The following FER1L6 variants were observed in gnomAD, a reference collection of about 807,000 sequenced individuals.
The protein encoded by FER1L6 is fer-1 like family member 6.
FER1L6 carries 177 observed loss-of-function variants against 219.2 expected under a neutral mutation model. The observed-to-expected ratio is 0.81, with a 90% CI of 0.71 to 0.91. The LOEUF (loss-of-function observed/expected upper bound fraction) is 0.91, where lower values mean the gene tolerates loss of function less well. FER1L6 is among the 40% of genes least tolerant of loss of function. The pLI, the probability that FER1L6 is intolerant of heterozygous loss-of-function variation, is 0.00. For synonymous variants in FER1L6, 768 were observed against 824.3 expected (o/e 0.93, Z 1.17); for missense variants, 2,153 against 2,259.9 (o/e 0.95, Z 0.96).
chr8:123,982,727 C>A (rs1267569771), intron 11 of FER1L6, among the ~76,000 whole-genome samples: 1 of 152,200 alleles, frequency 6.6e-6, no homozygotes, highest in Non-Finnish European at 1.5e-5. Flanking sequence ...AAGGCGAGGG[C>A]AGGGGCTGTC....
At chr8:124,090,817 T>C (rs1821998000) in intron 33 of FER1L6, among the ~76,000 whole-genome samples, 1 of 152,124 alleles carries the variant, frequency 6.6e-6, no homozygotes, top group Admixed American at 6.6e-5. Flanking sequence ...ATCTGTGACA[T>C]GGATATATAC....
intron 6 of FER1L6, 51 bp downstream of exon 6, chr8:123,970,148 G>A: frequency 6.5e-7 from 1 of 1,527,590 alleles, no homozygotes; most frequent in South Asian, 1.1e-5. Context: ...AGACATTTTG[G>A]GCATTGGGGA....
chr8:124,077,016 T>TA (rs1161428777), intron 32 of FER1L6, among the ~76,000 whole-genome samples: 3 of 152,204 alleles, frequency 2.0e-5, no homozygotes. Flanking sequence ...GATCCTCCAA[T>TA]ATGATGTGCT....
In FER1L6 at chr8:123,852,468, ATGCG is replaced by A. The variant is rs1563661506; in HGVS notation, c.-8+286_-8+289del. ...GTTGCTTGAACTCCATGTTGTGAGC[ATGCG>A]TGTGTGTGTGTGTGTGTGTGTGTGT... On this transcript the variant is annotated intron_variant, in intron 1 of 40. Transcript: ENST00000522917. The surrounding 1 kb of genome is among the most constrained non-coding windows in gnomAD (Gnocchi z 4.9). 2.0e-5 allele frequency among the ~76,000 whole-genome samples: 2 copies of A among 100,520 alleles called. No homozygotes were observed. The highest frequency in any genetic ancestry group is 4.0e-5 in the Non-Finnish European group (2 of 49,736). 65.9% of individuals were successfully genotyped at this position (100,520 alleles called of 152,430 possible). A position where few individuals can be genotyped will look rare whatever the true frequency, so the allele number is the denominator to read the frequency against.
At chr8:124,075,202 AAAC>A (rs1336464022) in intron 31 of FER1L6, among the ~76,000 whole-genome samples, 1 of 152,370 alleles carries the variant, frequency 6.6e-6, no homozygotes, top group African/African-American at 2.4e-5. Context: ...ACGCTGGTCA[AAAC>A]AACATTTAGC....
intron 1 of FER1L6, among the ~76,000 whole-genome samples, chr8:123,875,579 G>T (rs1013520357): frequency 6.6e-6 from 1 of 151,936 alleles, no homozygotes; most frequent in African/African-American, 2.4e-5. Context: ...TGGGCCTCTC[G>T]CCTGAATTCC....
rs1816549674 is a variant in FER1L6, at chr8:123,853,205, AG to A, written c.-8+1021del. ...AGTCTCACTCTATAGCCCAGGCTGG[AG>A]TGCAGTGGTACAATCTTGGCTCACT... On this transcript the variant is annotated intron_variant, in intron 1 of 40. Transcript: ENST00000522917. The surrounding 1 kb of genome is among the most constrained non-coding windows in gnomAD (Gnocchi z 6.6). 6.6e-6 allele frequency among the ~76,000 whole-genome samples: 1 copy of A among 152,150 alleles called. No homozygotes were observed. The highest frequency in any genetic ancestry group is 2.1e-4 in the South Asian group (1 of 4,824).
At chr8:123,976,297 T>A (rs986649913) in intron 9 of FER1L6, among the ~76,000 whole-genome samples, 2 of 152,034 alleles carry the variant, frequency 1.3e-5, no homozygotes, top group African/African-American at 2.4e-5. Context: ...GGCCAGGAGC[T>A]CAAGACCAGC....
chr8:123,953,106 G>A (rs1255841530), intron 1 of FER1L6, among the ~76,000 whole-genome samples: 2 of 152,156 alleles, frequency 1.3e-5, no homozygotes, highest in Non-Finnish European at 2.9e-5. Flanking sequence ...GGGCTGGTGA[G>A]CCATGCCTCC....
At chr8:124,087,771 G>A (rs1478696937) in intron 33 of FER1L6, among the ~76,000 whole-genome samples, 1 of 152,028 alleles carries the variant, frequency 6.6e-6, no homozygotes, top group Non-Finnish European at 1.5e-5. Flanking sequence ...CTAAATATTT[G>A]GTCACTGCAG....
At chr8:124,070,391 G>A in intron 29 of FER1L6, 76 bp from the exon 30 acceptor site, 9 of 1,543,842 alleles carry the variant, frequency 5.8e-6, no homozygotes, top group Non-Finnish European at 7.9e-6. Context: ...TGGTTTTGGA[G>A]AATCTTGGCA....
intron 22 of FER1L6, among the ~76,000 whole-genome samples, chr8:124,055,602 C>A (rs973726512): frequency 2.6e-5 from 4 of 151,988 alleles, no homozygotes; most frequent in Admixed American, 6.6e-5. Flanking sequence ...TTTTCAGAAC[C>A]CTCTCTCTCC....
At chr8:124,110,077 T>G (rs1485071905) in intron 39 of FER1L6, among the ~76,000 whole-genome samples, 1 of 152,118 alleles carries the variant, frequency 6.6e-6, no homozygotes, top group African/African-American at 2.4e-5. Flanking sequence ...CTGCTTCCAG[T>G]TTCCCCACAC....
rs925539073 is a variant in FER1L6, at chr8:124,023,490, A to G, written c.2180A>G (p.Asn727Ser). The G allele has an allele frequency of 1.9e-6, 3 of 1,614,094 alleles. No homozygotes were observed. The African/African-American group carries it at 4.0e-5, about 22-fold the overall frequency. The change falls in exon 18 of 41, where the codon AAC (asparagine) becomes AGC (serine). Residue 727 changes from asparagine to serine, a missense_variant. By Grantham distance (46) the Asn-to-Ser change is conservative. Transcript: ENST00000522917. ...PDVFIWMLSN[N>S]RRVAYARIAS... ...GTTTTCATCTGGATGCTCAGCAACA[A>G]CAGGAGAGTGGCCTATGCCCGCATC... is the stretch of plus-strand genomic sequence containing the variant.
intron 1 of FER1L6, among the ~76,000 whole-genome samples, chr8:123,899,140 C>G (rs1165981363): frequency 6.6e-6 from 1 of 152,018 alleles, no homozygotes; most frequent in African/African-American, 2.4e-5. Flanking sequence ...GAAGTGTTCC[C>G]TGATTACCAC....
intron 2 of FER1L6, among the ~76,000 whole-genome samples, chr8:123,962,532 AGTT>A (rs547055323): frequency 7.5e-4 from 114 of 152,280 alleles, no homozygotes; most frequent in South Asian, 1.9e-3. Context: ...AATGCTGGTC[AGTT>A]GTTGTGTCTA....
At chr8:123,995,030 A>G (rs1316046832) in intron 12 of FER1L6, among the ~76,000 whole-genome samples, 1 of 152,226 alleles carries the variant, frequency 6.6e-6, no homozygotes, top group African/African-American at 2.4e-5. Context: ...TCTCCTTCTC[A>G]CAGTCTGGGG....
chr8:123,871,453 AC>A (rs2130277361), intron 1 of FER1L6, among the ~76,000 whole-genome samples: 1 of 151,670 alleles, frequency 6.6e-6, no homozygotes, highest in African/African-American at 2.4e-5. Context: ...CTAAACACCA[AC>A]CCCCTGCCCA....
intron 1 of FER1L6, among the ~76,000 whole-genome samples, chr8:123,917,875 T>G (rs1004765637): frequency 3.3e-5 from 5 of 152,240 alleles, no homozygotes; most frequent in Non-Finnish European, 7.3e-5. Context: ...AGTTTAACAT[T>G]AAAATGGACT....
Sources: gnomAD v4.1 joint callset for allele counts (sites outside exome capture counted in the v4.1 genomes callset) on GRCh38, gnomAD v4.1.1 for gene constraint, Gnocchi (gnomAD v3.1) non-coding constraint, MANE v1.5 for transcripts, NCBI Gene and HGNC (gene_info 2026-07-23, HGNC 2026-07-21) for gene names.